PMS1: variants seen among roughly 807,000 people sequenced by gnomAD.
PMS1 encodes the protein PMS1 protein homolog 1.
PMS1 carries 79 observed loss-of-function variants against 93.1 expected under a neutral mutation model. The observed-to-expected ratio is 0.85, with a 90% CI of 0.71 to 1.02. The LOEUF is 1.02. Ranked by LOEUF, PMS1 falls within the 50% of genes least tolerant of loss-of-function variation. The pLI is 0.00. For synonymous variants in PMS1, 335 were observed against 363.4 expected (o/e 0.92, Z 0.89); for missense variants, 1,064 against 1,085.3 (o/e 0.98, Z 0.28).
chr2:189,786,393 T>C (rs2048350862), intron 1 of PMS1, among the ~76,000 whole-genome samples: 1 of 152,168 alleles, frequency 6.6e-6, no homozygotes, highest in Admixed American at 6.5e-5. Context: ...AAAGGCCGAA[T>C]GGAGGCAGTA....
intron 1 of PMS1, among the ~76,000 whole-genome samples, chr2:189,787,363 T>C (rs2048447611): frequency 6.6e-6 from 1 of 152,196 alleles, no homozygotes; most frequent in Non-Finnish European, 1.5e-5. Context: ...GGGTGAAGCA[T>C]TTGATTGTTC....
At position 189,855,026 on chromosome 2, in the gene PMS1, A is replaced by G. The variant is rs1474243554; in HGVS notation, c.1754A>G (p.His585Arg). 2.5e-6 allele frequency: 4 copies of G among 1,613,164 alleles called. No homozygotes were observed. The highest frequency in any genetic ancestry group is 3.4e-6 in the Non-Finnish European group (4 of 1,179,176). ...GCAAGTGCTCTTTTTGTTCAAGATC[A>G]TCGTCCTCAGTTTCTCATAGAAAAT... is the stretch of plus-strand genomic sequence containing the variant. ...MSASALFVQD[H>R]RPQFLIENPK... The change falls in exon 9 of 13, where the codon CAT becomes CGT. Residue 585 changes from histidine to arginine, a missense_variant. His to Arg is a conservative substitution (Grantham distance 29). Coordinates refer to ENST00000441310, the MANE Select transcript of PMS1 (RefSeq NM_000534.5).
rs745892695 is a variant in PMS1, at chr2:189,877,472, T to G, written c.*36T>G. On this transcript the variant is annotated 3_prime_UTR_variant, in exon 13 of 13. Transcript: ENST00000441310. Reference sequence around the variant, plus strand: ...TTAAGAAGATTAGTTACCATTGAAATTGGTTCTGTCATAAAACAGCATGAG... The same window carrying G: ...TTAAGAAGATTAGTTACCATTGAAAGTGGTTCTGTCATAAAACAGCATGAG... 3.4e-6 allele frequency: 5 copies of G among 1,458,612 alleles called. No homozygotes were observed. In the South Asian group the frequency reaches 5.7e-5, roughly 17 times the overall value. 90.4% of individuals were successfully genotyped at this position (1,458,612 alleles called of 1,614,324 possible).
At chr2:189,853,326 G>C (rs964127694) in intron 7 of PMS1, among the ~76,000 whole-genome samples, 1 of 152,004 alleles carries the variant, frequency 6.6e-6, no homozygotes, top group Non-Finnish European at 1.5e-5. Flanking sequence ...AAAGTGCTGT[G>C]ATTACAAGCC....
chr2:189,842,987 C>CAT (rs982784744), intron 5 of PMS1, among the ~76,000 whole-genome samples: 3 of 136,526 alleles, frequency 2.2e-5, no homozygotes, highest in Admixed American at 2.1e-4. Context: ...TACACACACA[C>CAT]ATATATGTGT....
intron 1 of PMS1, among the ~76,000 whole-genome samples, chr2:189,790,998 C>T (rs1358292458): frequency 6.6e-6 from 1 of 151,304 alleles, no homozygotes; most frequent in African/African-American, 2.4e-5. Context: ...CAAGAAAAGT[C>T]AGAATATAAT....
At chr2:189,815,828 C>T (rs1300602707) in intron 4 of PMS1, among the ~76,000 whole-genome samples, 1 of 152,210 alleles carries the variant, frequency 6.6e-6, no homozygotes, top group Non-Finnish European at 1.5e-5. Flanking sequence ...CCCACATTAG[C>T]ATCTTCTGTT....
At chr2:189,866,337 G>A (rs762478465) in intron 10 of PMS1, among the ~76,000 whole-genome samples, 2 of 151,868 alleles carry the variant, frequency 1.3e-5, no homozygotes, top group South Asian at 2.1e-4. Context: ...AACTATTATT[G>A]TGGGACCATA....
At chr2:189,872,956 A>G (rs1391880190) in intron 11 of PMS1, among the ~76,000 whole-genome samples, 1 of 152,190 alleles carries the variant, frequency 6.6e-6, no homozygotes. Context: ...TTTAATTACT[A>G]AGAGTAATTT....
chr2:189,877,523 A>G lies in PMS1; in HGVS notation c.*87A>G, dbSNP rs761210807. On this transcript the variant is annotated 3_prime_UTR_variant, in exon 13 of 13. Transcript: ENST00000441310. ...TCTGGTTTTAAATTATCTTTGTATTATGTGTCACATGGTTATTTTTTAAAT... is the reference window on the plus strand; with the variant it reads ...TCTGGTTTTAAATTATCTTTGTATTGTGTGTCACATGGTTATTTTTTAAAT... The G allele has an allele frequency of 4.1e-5, 35 of 849,792 alleles. No individual in the cohort carries two copies. The highest frequency in any genetic ancestry group is 5.9e-5 in the Non-Finnish European group (31 of 523,048). 52.6% of individuals were successfully genotyped at this position (849,792 alleles called of 1,614,324 possible).
Position 189,789,499 on chromosome 2 carries a change from A to G in PMS1, c.-20-2291A>G, listed in dbSNP as rs149835013. 1.1e-4 allele frequency among the ~76,000 whole-genome samples: 17 copies of G among 152,244 alleles called. No individual in the cohort carries two copies. In the East Asian group the frequency reaches 2.9e-3, roughly 26 times the overall value. On this transcript the variant is annotated intron_variant, in intron 1 of 12. Coordinates refer to ENST00000441310, the MANE Select transcript of PMS1 (RefSeq NM_000534.5). ...CCTTCTATATAGCAAAATATACTGT[A>G]TTTATGAACTGTGATCAGTTAACAC...
chr2:189,820,376 C>G (rs2051728103), intron 5 of PMS1, among the ~76,000 whole-genome samples: 1 of 152,192 alleles, frequency 6.6e-6, no homozygotes, highest in Admixed American at 6.5e-5. Context: ...ACGATCACAG[C>G]TCACTGCAGC....
intron 12 of PMS1, among the ~76,000 whole-genome samples, chr2:189,876,956 T>C (rs2057625030): frequency 1.3e-5 from 2 of 152,106 alleles, no homozygotes; most frequent in South Asian, 4.1e-4. Context: ...CCTCAAGTAA[T>C]CTTTTTCCAA....
rs2055162597 is a variant in PMS1 at position 189,854,996 on chromosome 2, T to C, written c.1724T>C (p.Met575Thr). Residue 575 changes from methionine to threonine, a missense_variant, in exon 9 of 13, where the codon ATG becomes ACG. Met to Thr is a moderately conservative substitution (Grantham distance 81). Coordinates refer to ENST00000441310, the MANE Select transcript of PMS1 (RefSeq NM_000534.5). ...LLSNRVIKKPMSASALFVQDH... is the reference protein window; with the variant it reads ...LLSNRVIKKPTSASALFVQDH... ...AGCAATCGAGTAATCAAGAAACCCA[T>C]GTCAGCAAGTGCTCTTTTTGTTCAA... is the stretch of plus-strand genomic sequence containing the variant. 6 of 1,613,418 alleles carry C rather than the reference T, an allele frequency of 3.7e-6. No homozygotes were observed. Among genetic ancestry groups the C allele is most frequent in the Non-Finnish European group, 5.1e-6 (6 of 1,179,570 alleles).
intron 4 of PMS1, among the ~76,000 whole-genome samples, chr2:189,817,667 T>C (rs1415798762): frequency 6.6e-6 from 1 of 152,228 alleles, no homozygotes; most frequent in African/African-American, 2.4e-5. Flanking sequence ...ATATCTCCTA[T>C]AAATTATATT....
At chr2:189,872,281 G>A (rs181740429) in intron 11 of PMS1, among the ~76,000 whole-genome samples, 59 of 152,276 alleles carry the variant, frequency 3.9e-4, no homozygotes, top group Admixed American at 1.4e-3. Context: ...CATTGCATCT[G>A]CCAACCAGGT....
intron 9 of PMS1, among the ~76,000 whole-genome samples, chr2:189,858,299 T>C: frequency 6.6e-6 from 1 of 152,126 alleles, no homozygotes. Context: ...AACTTTTCAT[T>C]TGCAGTAGTT....
intron 5 of PMS1, among the ~76,000 whole-genome samples, chr2:189,828,041 A>G (rs1208233949): frequency 1.3e-5 from 2 of 152,020 alleles, no homozygotes; most frequent in African/African-American, 4.8e-5. Flanking sequence ...CTCCTGCCTC[A>G]GCCTCCCGAA....
intron 9 of PMS1, among the ~76,000 whole-genome samples, chr2:189,858,748 T>C (rs2055630149): frequency 6.6e-6 from 1 of 152,072 alleles, no homozygotes; most frequent in African/African-American, 2.4e-5. Context: ...ATCCAGAACC[T>C]CAGATTCTAA....
Sources: gnomAD v4.1 joint callset for allele counts (sites outside exome capture counted in the v4.1 genomes callset) on GRCh38, gnomAD v4.1.1 for gene constraint, MANE v1.5 for transcripts, NCBI Gene and HGNC (gene_info 2026-07-23, HGNC 2026-07-21) for gene names.